The following KCNH8 variants were observed in gnomAD, a reference collection of about 807,000 sequenced individuals.
KCNH8 encodes potassium voltage-gated channel subfamily H member 8, also known as voltage-gated delayed rectifier potassium channel KCNH8.
In KCNH8, 70 loss-of-function variants were observed where a neutral mutation model predicts 103.6. That is an observed-to-expected ratio of 0.68 (90% CI 0.56 to 0.82). The LOEUF (loss-of-function observed/expected upper bound fraction) is 0.82, where lower values mean the gene tolerates loss of function less well. KCNH8 is among the 40% of genes least tolerant of loss of function. KCNH8 has a pLI of 0.00. For synonymous variants in KCNH8, 498 were observed against 489.4 expected, an observed-to-expected ratio of 1.02 and a Z score of -0.23; for missense variants, 1,217 against 1,329.9, an observed-to-expected ratio of 0.92 and a Z score of 1.32.
chr3:19,281,974 T>C (rs2064762629), intron 3 of KCNH8, among the ~76,000 whole-genome samples: 1 of 152,136 alleles, frequency 6.6e-6, no homozygotes, highest in South Asian at 2.1e-4. Context: ...AAGTTAACAC[T>C]GAAAAACTGC....
At chr3:19,373,805 T>G (rs1287807081) in intron 5 of KCNH8, among the ~76,000 whole-genome samples, 7 of 152,250 alleles carry the variant, frequency 4.6e-5, no homozygotes, top group Non-Finnish European at 7.4e-5. Context: ...TCTGGTATGT[T>G]GTGTCTTTGT....
At chr3:19,524,903 C>T (rs1261520060) in intron 15 of KCNH8, among the ~76,000 whole-genome samples, 1 of 151,870 alleles carries the variant, frequency 6.6e-6, no homozygotes, top group East Asian at 1.9e-4. Flanking sequence ...AAGTTCACCA[C>T]AACTCCTAGG....
chr3:19,175,501 GCC>G (rs1216646313), intron 1 of KCNH8, among the ~76,000 whole-genome samples: 1 of 152,094 alleles, frequency 6.6e-6, no homozygotes, highest in African/African-American at 2.4e-5. Context: ...GAGCCCCCGC[GCC>G]CGGCCAACTG....
chr3:19,282,157 G>T (rs892092485), intron 3 of KCNH8, among the ~76,000 whole-genome samples: 26 of 152,150 alleles, frequency 1.7e-4, no homozygotes, highest in African/African-American at 6.0e-4. Context: ...TAAAATGTGT[G>T]TGATTGTTTT....
intron 3 of KCNH8, among the ~76,000 whole-genome samples, chr3:19,311,297 C>G (rs1406184985): frequency 6.6e-6 from 1 of 151,572 alleles, no homozygotes; most frequent in Non-Finnish European, 1.5e-5. Context: ...AATAGGTATT[C>G]TTATTAACAC....
At position 19,505,431 on chromosome 3, in the gene KCNH8, AC is replaced by A. The variant is rs2068673546; in HGVS notation, c.2041-4931del. Among the ~76,000 whole-genome samples, 3 of 152,144 alleles carry A rather than the reference AC, an allele frequency of 2.0e-5. No homozygotes were observed. The South Asian group carries it at 6.2e-4, about 32-fold the overall frequency. On this transcript the variant is annotated intron_variant, in intron 11 of 15. Transcript: ENST00000328405. Reference sequence around the variant, plus strand: ...AAGTTTACCTACATAATAAACGTGCACATGTACCCCTGAACTTAAGATAAAG... The same window carrying A: ...AAGTTTACCTACATAATAAACGTGCAATGTACCCCTGAACTTAAGATAAAG...
At chr3:19,292,206 G>A (rs1252063130) in intron 3 of KCNH8, among the ~76,000 whole-genome samples, 2 of 152,136 alleles carry the variant, frequency 1.3e-5, no homozygotes, top group Non-Finnish European at 2.9e-5. Context: ...GTTGATGCTG[G>A]CTTATTCATT....
At chr3:19,271,882 G>A (rs919427496) in intron 2 of KCNH8, among the ~76,000 whole-genome samples, 1 of 152,064 alleles carries the variant, frequency 6.6e-6, no homozygotes, top group Admixed American at 6.6e-5. Context: ...TAAAGATACA[G>A]TTTTGTATTT....
At chr3:19,401,929 T>G (rs1279599420) in intron 7 of KCNH8, among the ~76,000 whole-genome samples, 1 of 151,868 alleles carries the variant, frequency 6.6e-6, no homozygotes, top group Non-Finnish European at 1.5e-5. Flanking sequence ...CACGGTTGCT[T>G]AAGAGGAGAA....
chr3:19,186,028 C>T (rs1456181404), intron 1 of KCNH8, among the ~76,000 whole-genome samples: 3 of 151,750 alleles, frequency 2.0e-5, no homozygotes, highest in Non-Finnish European at 4.4e-5. Flanking sequence ...ACTTTAGTGT[C>T]TCATGGAAAA....
intron 5 of KCNH8, among the ~76,000 whole-genome samples, chr3:19,374,310 C>A (rs12488624): frequency 0.41 from 61,988 of 149,748 alleles, 14,197 homozygotes; most frequent in African/African-American, 0.61. Context: ...GGGTGCATAT[C>A]TATTTAGGAT....
chr3:19,260,531 TATAG>T (rs1447678255), intron 2 of KCNH8, among the ~76,000 whole-genome samples: 41 of 104,090 alleles, frequency 3.9e-4, no homozygotes, highest in South Asian at 1.6e-3. Flanking sequence ...TATATATATA[TATAG>T]TAAAATGGTT....
At chr3:19,394,642 C>G (rs2066487884) in intron 6 of KCNH8, among the ~76,000 whole-genome samples, 1 of 151,982 alleles carries the variant, frequency 6.6e-6, no homozygotes, top group Admixed American at 6.6e-5. Context: ...AAAATAATCT[C>G]TAAGGTATTT....
chr3:19,253,525 C>T (rs1021583080), intron 1 of KCNH8, 129 bp from the exon 2 acceptor site: 7 of 715,610 alleles, frequency 9.8e-6, no homozygotes, highest in Non-Finnish European at 1.7e-5. Context: ...GTCTCTTTTC[C>T]ACTGCAGCAC....
At chr3:19,514,619 CTT>C (rs536100818) in intron 13 of KCNH8, among the ~76,000 whole-genome samples, 1 of 144,548 alleles carries the variant, frequency 6.9e-6, no homozygotes, top group South Asian at 2.2e-4. Flanking sequence ...CTACAATAGA[CTT>C]TTTTTTTTTA....
intron 3 of KCNH8, among the ~76,000 whole-genome samples, chr3:19,287,014 T>C (rs776204436): frequency 1.3e-5 from 2 of 152,082 alleles, no homozygotes; most frequent in African/African-American, 2.4e-5. Flanking sequence ...TATTCATGTC[T>C]TATAGGCAAA....
At chr3:19,229,632 G>A (rs576359864) in intron 1 of KCNH8, among the ~76,000 whole-genome samples, 3 of 152,354 alleles carry the variant, frequency 2.0e-5, no homozygotes, top group African/African-American at 7.2e-5. Flanking sequence ...AGGCCTCTGG[G>A]CCTGTGATGG....
intron 9 of KCNH8, 39 bp from the exon 10 acceptor site, chr3:19,451,116 T>A (rs1366965223): frequency 6.2e-7 from 1 of 1,608,524 alleles, no homozygotes. Context: ...TAGACTACAC[T>A]TACCCCAATT....
chr3:19,288,178 CTTCTTTTT>C (rs2064860905), intron 3 of KCNH8, among the ~76,000 whole-genome samples: 1 of 79,162 alleles, frequency 1.3e-5, no homozygotes, highest in Admixed American at 1.3e-4. Context: ...GTGTATCAAA[CTTCTTTTT>C]TTTTTTTTTT....
Sources: allele counts gnomAD v4.1 joint callset (sites outside exome capture counted in the v4.1 genomes callset), GRCh38; gene constraint gnomAD v4.1.1; transcripts MANE v1.5; gene names NCBI Gene and HGNC (gene_info 2026-07-23, HGNC 2026-07-21).